The following ADARB2 variants were observed in gnomAD, a reference collection of about 807,000 sequenced individuals.
The protein encoded by ADARB2 is adenosine deaminase RNA specific B2 (inactive).
Under a neutral mutation model 62.2 loss-of-function variants are expected in ADARB2, and 25 were observed. The ratio of observed to expected loss-of-function variants is 0.40; its 90% CI spans 0.29 to 0.56. ADARB2 has a LOEUF of 0.56. Ranked by LOEUF, ADARB2 falls within the 20% of genes least tolerant of loss-of-function variation. The pLI is 0.43. For missense variants in ADARB2, 1,071 were observed against 1,077.4 expected, an observed-to-expected ratio of 0.99 and a Z score of 0.08; for synonymous variants, 572 against 500.8, an observed-to-expected ratio of 1.14 and a Z score of -1.90.
At chr10:1,378,898 G>A (rs554957780) in intron 2 of ADARB2, among the ~76,000 whole-genome samples, 176 bp downstream of exon 2, 3 of 152,264 alleles carry the variant, frequency 2.0e-5, no homozygotes, top group South Asian at 4.2e-4. Context: ...TGTGGGTGGG[G>A]TTGCATGGAA....
At chr10:1,274,930 C>A (rs751928301) in intron 3 of ADARB2, among the ~76,000 whole-genome samples, 1 of 152,188 alleles carries the variant, frequency 6.6e-6, no homozygotes, top group African/African-American at 2.4e-5. Context: ...GGAGCAGCTG[C>A]GGCCGGGACA....
chr10:1,412,035 A>G (rs1319520760), intron 1 of ADARB2, among the ~76,000 whole-genome samples: 2 of 152,218 alleles, frequency 1.3e-5, no homozygotes, highest in Admixed American at 6.5e-5. Flanking sequence ...TGCCCCGGTC[A>G]AGTTATCAGG....
intron 7 of ADARB2, 119 bp from the exon 8 acceptor site, chr10:1,200,266 G>T: frequency 7.2e-7 from 1 of 1,388,488 alleles, no homozygotes; most frequent in South Asian, 1.2e-5. Context: ...TGCGGACCTT[G>T]GGGAGCTCCC....
intron 4 of ADARB2, among the ~76,000 whole-genome samples, chr10:1,253,794 G>C (rs1367490049): frequency 1.3e-5 from 2 of 152,214 alleles, no homozygotes; most frequent in African/African-American, 2.4e-5. Context: ...GTAACCACTG[G>C]CCACGTAAAG....
chr10:1,229,808 A>G (rs1830785949), intron 6 of ADARB2, among the ~76,000 whole-genome samples: 1 of 81,284 alleles, frequency 1.2e-5, no homozygotes, highest in Non-Finnish European at 2.8e-5. Flanking sequence ...GTGTGCGTGT[A>G]CATGTACTTA....
chr10:1,281,118 G>A lies in ADARB2; in HGVS notation c.1078-10049C>T, dbSNP rs34103120. On this transcript the variant is annotated intron_variant, in intron 3 of 9. Coordinates refer to ENST00000381312, the MANE Select transcript of ADARB2 (RefSeq NM_018702.4). ...ATCTTACAACTTATAAATAGAAAAT[G>A]TCTCTGCACCATAACTCATGATTGA... is the stretch of plus-strand genomic sequence containing the variant. 3.4e-3 allele frequency among the ~76,000 whole-genome samples: 525 copies of A among 152,344 alleles called. 9 individuals carry two copies. The highest frequency in any genetic ancestry group is 6.6e-3 in the East Asian group (34 of 5,182).
At chr10:1,337,082 G>GTGTGTGTGTGTGTGTA (rs145164849) in intron 3 of ADARB2, among the ~76,000 whole-genome samples, 24 of 151,534 alleles carry the variant, frequency 1.6e-4, no homozygotes, top group African/African-American at 5.1e-4. Flanking sequence ...GTGTGTGTGT[G>GTGTGTGTGTGTGTGTA]TGTGTGTGTG....
intron 1 of ADARB2, among the ~76,000 whole-genome samples, chr10:1,455,462 T>TA (rs1186948678): frequency 6.6e-6 from 1 of 151,434 alleles, no homozygotes; most frequent in Non-Finnish European, 1.5e-5. Context: ...TGAACAAAAA[T>TA]AAAAAAAAAG....
intron 1 of ADARB2, among the ~76,000 whole-genome samples, chr10:1,650,146 G>A (rs370924649): frequency 9.9e-4 from 150 of 152,210 alleles, no homozygotes; most frequent in African/African-American, 3.1e-3. Context: ...GACTGGCTAC[G>A]TTCATGACTG....
At chr10:1,710,544 T>C (rs545772755) in intron 1 of ADARB2, among the ~76,000 whole-genome samples, 1 of 152,312 alleles carries the variant, frequency 6.6e-6, no homozygotes, top group South Asian at 2.1e-4. Flanking sequence ...GGGGGCACCT[T>C]CCCCTCCTTC....
At chr10:1,208,868 T>G (rs1051957741) in intron 7 of ADARB2, among the ~76,000 whole-genome samples, 6 of 152,202 alleles carry the variant, frequency 3.9e-5, no homozygotes, top group Non-Finnish European at 5.9e-5. Context: ...GAAGAGGGGC[T>G]TCTGAGCAGG....
At chr10:1,685,602 C>A (rs1834588213) in intron 1 of ADARB2, among the ~76,000 whole-genome samples, 1 of 152,164 alleles carries the variant, frequency 6.6e-6, no homozygotes, top group South Asian at 2.1e-4. Context: ...TAACTCAAAG[C>A]CATTGTTAGG....
chr10:1,483,176 A>G (rs930389393), intron 1 of ADARB2, among the ~76,000 whole-genome samples: 19 of 152,072 alleles, frequency 1.2e-4, no homozygotes, highest in Non-Finnish European at 1.5e-5. Context: ...CTTTTTTTCT[A>G]AAAGTCCCGT....
intron 1 of ADARB2, among the ~76,000 whole-genome samples, chr10:1,541,104 C>T (rs1293661337): frequency 2.2e-5 from 2 of 89,350 alleles, no homozygotes; most frequent in African/African-American, 4.8e-5. Flanking sequence ...GGATCACAGC[C>T]GTCCAGACCC....
At chr10:1,344,932 G>A (rs1436922927) in intron 3 of ADARB2, among the ~76,000 whole-genome samples, 1 of 152,200 alleles carries the variant, frequency 6.6e-6, no homozygotes, top group Non-Finnish European at 1.5e-5. Context: ...CGTGCATAAT[G>A]TCCTCCCCGG....
intron 1 of ADARB2, among the ~76,000 whole-genome samples, chr10:1,669,685 T>C (rs1194575097): frequency 8.6e-6 from 1 of 116,182 alleles, no homozygotes; most frequent in Non-Finnish European, 1.8e-5. Flanking sequence ...CACAGACACA[T>C]GCAGACACAC....
At chr10:1,365,939 G>C (rs898287053) in intron 2 of ADARB2, among the ~76,000 whole-genome samples, 1 of 152,180 alleles carries the variant, frequency 6.6e-6, no homozygotes, top group Non-Finnish European at 1.5e-5. Flanking sequence ...GCATGTAATG[G>C]ACTATGTCTG....
At chr10:1,219,201 G>T (rs1044482877) in intron 6 of ADARB2, among the ~76,000 whole-genome samples, 3 of 152,174 alleles carry the variant, frequency 2.0e-5, no homozygotes. Flanking sequence ...ATAGCCTGTG[G>T]AACCTCAAGC....
rs1333149151 is a variant in ADARB2 at position 1,181,471 on chromosome 10, C to G, written c.*1722G>C. On this transcript the variant is annotated 3_prime_UTR_variant, in exon 10 of 10. Transcript: ENST00000381312. ...TGGAAGAAGTTGTCTACTCCAGTACCTGTTTTCTTTTCTAAAAGAACTCGA... is the reference window on the plus strand; with the variant it reads ...TGGAAGAAGTTGTCTACTCCAGTACGTGTTTTCTTTTCTAAAAGAACTCGA... The G allele has an allele frequency of 1.3e-5, 2 of 152,216 alleles. No homozygotes were observed. Among genetic ancestry groups the G allele is most frequent in the Non-Finnish European group, 2.9e-5 (2 of 68,042 alleles). 9.4% of individuals were successfully genotyped at this position (152,216 alleles called of 1,614,324 possible). A position where few individuals can be genotyped will look rare whatever the true frequency, so the allele number is the denominator to read the frequency against.
Sources: gnomAD v4.1 joint callset for allele counts (sites outside exome capture counted in the v4.1 genomes callset) on GRCh38, gnomAD v4.1.1 for gene constraint, MANE v1.5 for transcripts, NCBI Gene and HGNC (gene_info 2026-07-23, HGNC 2026-07-21) for gene names.